The following REV1 variants were observed in gnomAD, a reference collection of about 807,000 sequenced individuals.
REV1 encodes REV1 DNA directed polymerase.
Under a neutral mutation model 137.4 loss-of-function variants are expected in REV1, and 42 were observed. The ratio of observed to expected loss-of-function variants is 0.31; its 90% CI spans 0.24 to 0.40. The LOEUF is 0.40. REV1 is among the 10% of genes least tolerant of loss of function. The pLI, the probability that REV1 is intolerant of heterozygous loss-of-function variation, is 1.00. For synonymous variants in REV1, 524 were observed against 519.2 expected (o/e 1.01, Z -0.12); for missense variants, 1,282 against 1,490.1 (o/e 0.86, Z 2.30).
chr2:99,422,290 G>T (rs1334420394), intron 10 of REV1, among the ~76,000 whole-genome samples: 1 of 152,084 alleles, frequency 6.6e-6, no homozygotes, highest in East Asian at 1.9e-4. Context: ...TTTAATTAGA[G>T]AAAAGAAAAA....
chr2:99,427,520 A>G (rs1457899772), intron 9 of REV1, among the ~76,000 whole-genome samples: 1 of 152,168 alleles, frequency 6.6e-6, no homozygotes, highest in African/African-American at 2.4e-5. Context: ...CCCATTATTA[A>G]GCTATGTATA....
At chr2:99,489,519 GGGCGGCCCATGGGGCTGGC>G (rs1187555841) in intron 1 of REV1, among the ~76,000 whole-genome samples, 18 of 118 alleles carry the variant, frequency 0.15, no homozygotes, top group Non-Finnish European at 0.26. Context: ...GGTCGGCGCG[GGGCGGCCCATGGGGCTGGC>G]GGCGGCGCGG....
chr2:99,483,589 A>G (rs1331097026), intron 1 of REV1, among the ~76,000 whole-genome samples: 1 of 152,270 alleles, frequency 6.6e-6, no homozygotes, highest in Admixed American at 6.5e-5. Context: ...TCTCCTGCCT[A>G]TATGAGAAAG....
Position 99,468,227 on chromosome 2 carries a change from T to C in REV1, c.-10-3242A>G, listed in dbSNP as rs144667219. 1.0e-3 allele frequency among the ~76,000 whole-genome samples: 156 copies of C among 151,120 alleles called. 3 individuals carry two copies. In the East Asian group the frequency reaches 0.019, roughly 18 times the overall value. ...AGAAAAATTAGCCAGGCATGGGGGC[T>C]GTTTCTGCTAATCAGCAGGGATCTT... On this transcript the variant is annotated intron_variant, in intron 1 of 22. Transcript: ENST00000258428.
chr2:99,479,815 C>A (rs1457797825), intron 1 of REV1, among the ~76,000 whole-genome samples: 2 of 151,682 alleles, frequency 1.3e-5, no homozygotes, highest in Non-Finnish European at 2.9e-5. Context: ...CAAGATCCTG[C>A]ATTATAGGCA....
intron 3 of REV1, among the ~76,000 whole-genome samples, chr2:99,450,835 A>C (rs1454422945): frequency 1.3e-5 from 2 of 152,204 alleles, no homozygotes; most frequent in African/African-American, 4.8e-5. Context: ...TTACATTTAC[A>C]ACGCATCTCA....
chr2:99,479,225 G>T (rs1247654313), intron 1 of REV1, among the ~76,000 whole-genome samples: 2 of 151,410 alleles, frequency 1.3e-5, no homozygotes, highest in Non-Finnish European at 2.9e-5. Flanking sequence ...CTACTTGGGG[G>T]CTGAGGCAGA....
chr2:99,410,449 A>G (rs914443312), intron 14 of REV1, among the ~76,000 whole-genome samples: 4 of 152,208 alleles, frequency 2.6e-5, no homozygotes, highest in African/African-American at 9.6e-5. Flanking sequence ...CAGCCCAAAG[A>G]TGCCAAGCAA....
chr2:99,437,887 T>C (rs1398330809), intron 6 of REV1, among the ~76,000 whole-genome samples: 4 of 152,154 alleles, frequency 2.6e-5, no homozygotes, highest in Non-Finnish European at 4.4e-5. Flanking sequence ...ATAGAGTCTC[T>C]ATCACTTTCT....
intron 3 of REV1, among the ~76,000 whole-genome samples, chr2:99,454,843 G>A (rs540206213): frequency 6.6e-6 from 1 of 152,300 alleles, no homozygotes; most frequent in South Asian, 2.1e-4. Flanking sequence ...ACCAGACATA[G>A]TGACAGACAA....
intron 2 of REV1, among the ~76,000 whole-genome samples, chr2:99,464,268 G>C (rs1442962224): frequency 6.6e-6 from 1 of 152,138 alleles, no homozygotes. Context: ...GGTGTAGGTG[G>C]CTAGAAGTAC....
At position 99,442,010 on chromosome 2, in the gene REV1, T is replaced by C. The variant is rs947656231; in HGVS notation, c.503+307A>G. Among the ~76,000 whole-genome samples, 11 of 151,904 alleles carry C rather than the reference T, an allele frequency of 7.2e-5. No individual in the cohort carries two copies. In the East Asian group the frequency reaches 2.1e-3, roughly 29 times the overall value. Reference sequence around the variant, plus strand: ...GGCTCATGCCTGTAACCCCAGCACTTTGGGAGGCCAAGGAAGGTAGATCAC... The same window carrying C: ...GGCTCATGCCTGTAACCCCAGCACTCTGGGAGGCCAAGGAAGGTAGATCAC... On this transcript the variant is annotated intron_variant, in intron 5 of 22. Transcript: ENST00000258428.
At chr2:99,481,710 A>ACACAC (rs576254691) in intron 1 of REV1, among the ~76,000 whole-genome samples, 11 of 141,190 alleles carry the variant, frequency 7.8e-5, no homozygotes, top group Admixed American at 1.4e-4. Context: ...CACACACACA[A>ACACAC]AAATTTAAAT....
chr2:99,460,837 TAC>T (rs1684102838), intron 3 of REV1, among the ~76,000 whole-genome samples: 1 of 152,144 alleles, frequency 6.6e-6, no homozygotes, highest in African/African-American at 2.4e-5. Flanking sequence ...GAAAATGTTT[TAC>T]AGTCACACAA....
chr2:99,430,024 C>A, intron 8 of REV1, 76 bp from the exon 9 acceptor site: 1 of 818,200 alleles, frequency 1.2e-6, no homozygotes, highest in South Asian at 2.5e-5. Flanking sequence ...AATTTGTTTT[C>A]CATTACTTTC....
At chr2:99,475,472 A>C (rs966026126) in intron 1 of REV1, among the ~76,000 whole-genome samples, 8 of 152,212 alleles carry the variant, frequency 5.3e-5, no homozygotes, top group Non-Finnish European at 1.0e-4. Flanking sequence ...TTTTGCTTCT[A>C]AGAGAAGTTA....
chr2:99,429,998 C>T, intron 8 of REV1, 50 bp from the exon 9 acceptor site: 1 of 1,157,438 alleles, frequency 8.6e-7, no homozygotes, highest in Non-Finnish European at 1.2e-6. Flanking sequence ...ACTGATTTTC[C>T]CTCACTTTTT....
chr2:99,455,737 C>A (rs933277246), intron 3 of REV1, among the ~76,000 whole-genome samples: 16 of 152,134 alleles, frequency 1.1e-4, no homozygotes, highest in African/African-American at 3.9e-4. Context: ...TAAAGAGAAT[C>A]CTCTCCTAAA....
At chr2:99,430,668 T>C (rs1679998463) in intron 8 of REV1, among the ~76,000 whole-genome samples, 1 of 152,178 alleles carries the variant, frequency 6.6e-6, no homozygotes, top group Non-Finnish European at 1.5e-5. Flanking sequence ...CATCTCTTAA[T>C]ATCCAAACCA....
Sources: gnomAD v4.1 joint callset for allele counts (sites outside exome capture counted in the v4.1 genomes callset) on GRCh38, gnomAD v4.1.1 for gene constraint, MANE v1.5 for transcripts, NCBI Gene and HGNC (gene_info 2026-07-23, HGNC 2026-07-21) for gene names.